SPSB1: variants seen among roughly 807,000 people sequenced by gnomAD.
SPSB1 encodes SPRY domain-containing SOCS box protein 1.
A neutral mutation model predicts 21.2 loss-of-function variants in SPSB1; 8 were observed. That is an observed-to-expected ratio of 0.38 (90% confidence interval 0.22 to 0.68). The LOEUF (loss-of-function observed/expected upper bound fraction) is 0.68. Among genes scored for constraint, SPSB1 ranks in the 30% least tolerant of loss-of-function variants. The pLI, the probability that SPSB1 is intolerant of heterozygous loss-of-function variation, is 0.53. For synonymous variants in SPSB1, 169 were observed against 161.7 expected (o/e 1.05, Z -0.34); for missense variants, 242 against 377.8 (o/e 0.64, Z 2.98).
intron 1 of SPSB1, among the ~76,000 whole-genome samples, chr1:9,338,533 G>A (rs72643829): frequency 0.025 from 3,766 of 152,368 alleles, 60 homozygotes; most frequent in Non-Finnish European, 0.035. Flanking sequence ...TGCCAGCTCC[G>A]GCCTCGCCCA....
At chr1:9,359,332 G>C (rs906546000) in intron 2 of SPSB1, among the ~76,000 whole-genome samples, 12 of 152,318 alleles carry the variant, frequency 7.9e-5, no homozygotes. Flanking sequence ...TGAGGCGCGG[G>C]TGTTAGCGCT....
chr1:9,338,068 G>T (rs921912703), intron 1 of SPSB1, among the ~76,000 whole-genome samples: 3 of 152,162 alleles, frequency 2.0e-5, no homozygotes, highest in African/African-American at 4.8e-5. Flanking sequence ...GGTTTGAATT[G>T]GTTCCTGGAA....
chr1:9,356,532 G>A lies in SPSB1; in HGVS notation c.641G>A (p.Ser214Asn). ...GGCAAAAAACTGTATCCTGTAGTGA[G>A]TGCCGTCTGGGGCCACTGTGAGATC... ...LKGKKLYPVV[S>N]AVWGHCEIRM... The change falls in exon 2 of 3, where the codon AGT (serine) becomes AAT (asparagine). Residue 214 changes from serine to asparagine, a missense_variant. Physicochemically the swap from Ser to Asn is conservative, Grantham distance 46. Transcript: ENST00000328089. This position sits in a 1 kb window ranked among gnomAD's most constrained non-coding sequence, Gnocchi z 7.4. 6.2e-7 allele frequency: 1 copy of A among 1,607,654 alleles called. No individual in the cohort carries two copies. The highest frequency in any genetic ancestry group is 8.5e-7 in the Non-Finnish European group (1 of 1,174,766).
At chr1:9,314,568 C>T (rs1639578803) in intron 1 of SPSB1, among the ~76,000 whole-genome samples, 1 of 152,246 alleles carries the variant, frequency 6.6e-6, no homozygotes, top group South Asian at 2.1e-4. Flanking sequence ...ATATTTGCCT[C>T]TGCTCTTCAT....
intron 1 of SPSB1, among the ~76,000 whole-genome samples, chr1:9,299,810 T>A (rs896134428): frequency 1.3e-5 from 2 of 151,472 alleles, no homozygotes; most frequent in African/African-American, 2.4e-5. Context: ...TTTTTTTTTT[T>A]AAATTAGCCA....
Position 9,348,619 on chromosome 1 carries a change from C to T in SPSB1, c.-149-7124C>T, listed in dbSNP as rs552846169. On this transcript the variant is annotated intron_variant, in intron 1 of 2. Transcript: ENST00000328089. This position sits in a 1 kb window ranked among gnomAD's most constrained non-coding sequence, Gnocchi z 4.8. ...GGCTGCCCCCACCTGGAGGAGCCCA[C>T]GAAACTGGAGGGATTTGCGAGGTTC... Among the ~76,000 whole-genome samples the T allele has an allele frequency of 1.3e-5, 2 of 152,250 alleles. No individual in the cohort carries two copies. Among genetic ancestry groups the T allele is most frequent in the African/African-American group, 4.8e-5 (2 of 41,548 alleles).
chr1:9,342,709 T>C (rs753919091), intron 1 of SPSB1, among the ~76,000 whole-genome samples: 2 of 151,762 alleles, frequency 1.3e-5, no homozygotes, highest in African/African-American at 2.4e-5. Context: ...ACATCCGAGA[T>C]GCAGGCACAC....
At chr1:9,353,246 A>G (rs1342200374) in intron 1 of SPSB1, among the ~76,000 whole-genome samples, 4 of 151,856 alleles carry the variant, frequency 2.6e-5, no homozygotes, top group Admixed American at 1.3e-4. Flanking sequence ...CAGCTCAGAA[A>G]ATGCTCCAGT....
At chr1:9,295,338 C>T (rs1320923800) in intron 1 of SPSB1, among the ~76,000 whole-genome samples, 1 of 152,114 alleles carries the variant, frequency 6.6e-6, no homozygotes, top group Non-Finnish European at 1.5e-5. Flanking sequence ...GCAGAGAAAA[C>T]AAAAGCAGTA....
chr1:9,350,038 C>T (rs956077811), intron 1 of SPSB1, among the ~76,000 whole-genome samples: 5 of 151,980 alleles, frequency 3.3e-5, no homozygotes, highest in African/African-American at 1.2e-4. Flanking sequence ...TGAAGACACA[C>T]CACACACATA....
chr1:9,323,135 C>T (rs899726210), intron 1 of SPSB1, among the ~76,000 whole-genome samples: 1 of 152,254 alleles, frequency 6.6e-6, no homozygotes, highest in Non-Finnish European at 1.5e-5. Context: ...ACCTGCCGGA[C>T]ATTCCTTCCT....
At chr1:9,320,563 C>T (rs1419200760) in intron 1 of SPSB1, among the ~76,000 whole-genome samples, 32 of 152,310 alleles carry the variant, frequency 2.1e-4, no homozygotes, top group Admixed American at 2.0e-3. Context: ...CTAAGTTGTT[C>T]CTTGATACAC....
At chr1:9,357,529 G>A (rs977654363) in intron 2 of SPSB1, among the ~76,000 whole-genome samples, 2 of 152,178 alleles carry the variant, frequency 1.3e-5, no homozygotes, top group Non-Finnish European at 2.9e-5. Flanking sequence ...GAATGCTAGT[G>A]ACCTCTCTCA....
In SPSB1 at chr1:9,313,666, C is replaced by T. The variant is rs187501515; in HGVS notation, c.-150+20595C>T. Among the ~76,000 whole-genome samples, 557 of 152,192 alleles carry T rather than the reference C, an allele frequency of 3.7e-3. 1 individual carries two copies. Among genetic ancestry groups the T allele is most frequent in the Admixed American group, 6.9e-3 (106 of 15,292 alleles). ...AGGAGAGGGCATGGGTGGGTGCTCC[C>T]GGGGAGGGGTCGAGTGAGCACAGGC... is the stretch of plus-strand genomic sequence containing the variant. On this transcript the variant is annotated intron_variant, in intron 1 of 2. Transcript: ENST00000328089.
intron 1 of SPSB1, among the ~76,000 whole-genome samples, chr1:9,294,830 C>T (rs1639191141): frequency 6.6e-6 from 1 of 152,138 alleles, no homozygotes; most frequent in Non-Finnish European, 1.5e-5. Flanking sequence ...CTGTCCCCCT[C>T]CTCAGACCCC....
intron 1 of SPSB1, among the ~76,000 whole-genome samples, chr1:9,332,927 C>A (rs578248486): frequency 2.6e-4 from 39 of 152,352 alleles, no homozygotes; most frequent in African/African-American, 8.7e-4. Context: ...GTGGTGGCAG[C>A]AGGAGAGGGC....
In SPSB1 at chr1:9,367,867, A is replaced by C; in HGVS notation, c.*292A>C. On this transcript the variant is annotated 3_prime_UTR_variant, in exon 3 of 3. Transcript: ENST00000328089. This position sits in a 1 kb window ranked among gnomAD's most constrained non-coding sequence, Gnocchi z 5.9. ...GAATAAACTCCTACGAAAGCCCTAC[A>C]TTGAGCTCCAATCTGCTCGGGGTGG... is the stretch of plus-strand genomic sequence containing the variant. The C allele has an allele frequency of 1.3e-5, 5 of 388,556 alleles. No homozygotes were observed. The highest frequency in any genetic ancestry group is 2.9e-5 in the South Asian group (1 of 34,278). The allele number at this position is 388,556 out of a possible 1,614,324, so 24.1% of individuals were successfully genotyped here.
Position 9,317,598 on chromosome 1 carries a change from T to C in SPSB1, c.-150+24527T>C, listed in dbSNP as rs891754431. ...GATCCTCACACCTCAGCCTCTTGAG[T>C]AGCTGGGACCTCAGGTATGCACTAC... On this transcript the variant is annotated intron_variant, in intron 1 of 2. Transcript: ENST00000328089. This position sits in a 1 kb window ranked among gnomAD's most constrained non-coding sequence, Gnocchi z 4.3. Among the ~76,000 whole-genome samples, 2 of 152,052 alleles carry C rather than the reference T, an allele frequency of 1.3e-5. No homozygotes were observed. Among genetic ancestry groups the C allele is most frequent in the African/African-American group, 4.8e-5 (2 of 41,386 alleles).
chr1:9,335,738 G>A (rs1357711676), intron 1 of SPSB1, among the ~76,000 whole-genome samples: 1 of 152,086 alleles, frequency 6.6e-6, no homozygotes, highest in Non-Finnish European at 1.5e-5. Flanking sequence ...AGCCCAGAAG[G>A]TTGAGCCTGC....
Sources: gnomAD v4.1 joint callset for allele counts (sites outside exome capture counted in the v4.1 genomes callset) on GRCh38, gnomAD v4.1.1 for gene constraint, Gnocchi (gnomAD v3.1) non-coding constraint, MANE v1.5 for transcripts, NCBI Gene and HGNC (gene_info 2026-07-23, HGNC 2026-07-21) for gene names.